Variants in PKIA observed in about 807,000 individuals in gnomAD.
PKIA encodes cAMP-dependent protein kinase inhibitor alpha.
Under a neutral mutation model 7.6 loss-of-function variants are expected in PKIA, and 4 were observed. That is an observed-to-expected ratio of 0.52 (90% CI 0.26 to 1.20). The LOEUF is 1.20. Ranked by LOEUF, PKIA falls within the 50% of genes most tolerant of loss-of-function variation. The pLI, the probability that PKIA is intolerant of heterozygous loss-of-function variation, is 0.13. For synonymous variants in PKIA, 21 were observed against 30.7 expected (o/e 0.68, Z 1.04); for missense variants, 73 against 86.2 (o/e 0.85, Z 0.61).
At chr8:78,570,676 C>T (rs537578291) in intron 1 of PKIA, among the ~76,000 whole-genome samples, 18 of 152,250 alleles carry the variant, frequency 1.2e-4, no homozygotes, top group African/African-American at 3.8e-4. Context: ...CACACTCTTT[C>T]ATACATACAC....
At chr8:78,580,205 G>T (rs1807772889) in intron 2 of PKIA, among the ~76,000 whole-genome samples, 1 of 151,964 alleles carries the variant, frequency 6.6e-6, no homozygotes, top group Non-Finnish European at 1.5e-5. Flanking sequence ...ATAAAATGAT[G>T]CATACATATG....
chr8:78,554,422 T>C (rs1348898648), intron 1 of PKIA, among the ~76,000 whole-genome samples: 1 of 151,890 alleles, frequency 6.6e-6, no homozygotes, highest in Non-Finnish European at 1.5e-5. Flanking sequence ...AATATTTAAA[T>C]CCAGGAACTT....
In PKIA at chr8:78,603,210, A is replaced by G. The variant is rs1808394712; in HGVS notation, c.*1389A>G. The G allele has an allele frequency of 6.6e-6, 1 of 152,422 alleles. No individual in the cohort carries two copies. The highest frequency in any genetic ancestry group is 1.5e-5 in the Non-Finnish European group (1 of 67,942). The allele number at this position is 152,422 out of a possible 1,614,324, so 9.4% of individuals were successfully genotyped here. A position where few individuals can be genotyped will look rare whatever the true frequency, so the allele number is the denominator to read the frequency against. ...TGTCAGTGGTAATAAATAAGGAACC[A>G]GTAATATGCCAATGGTTCATGAATT... is the stretch of plus-strand genomic sequence containing the variant. On this transcript the variant is annotated 3_prime_UTR_variant, in exon 4 of 4. Coordinates refer to ENST00000396418, the MANE Select transcript of PKIA (RefSeq NM_006823.4).
chr8:78,523,573 A>T (rs1809457390), intron 1 of PKIA, among the ~76,000 whole-genome samples: 1 of 151,912 alleles, frequency 6.6e-6, no homozygotes, highest in South Asian at 2.1e-4. Context: ...AAAAGTCAGT[A>T]ATACCTTTAA....
chr8:78,582,981 T>C (rs891698288), intron 2 of PKIA, among the ~76,000 whole-genome samples: 18 of 152,234 alleles, frequency 1.2e-4, no homozygotes, highest in Admixed American at 1.1e-3. Context: ...CTTAGAAAAA[T>C]GAAAAACTTC....
intron 1 of PKIA, among the ~76,000 whole-genome samples, chr8:78,544,762 A>G (rs996264405): frequency 1.3e-5 from 2 of 152,202 alleles, no homozygotes; most frequent in Non-Finnish European, 2.9e-5. Context: ...TACGTACCTT[A>G]TCTAAACACA....
At chr8:78,562,025 TCTCC>T (rs1807297701) in intron 1 of PKIA, among the ~76,000 whole-genome samples, 1 of 152,040 alleles carries the variant, frequency 6.6e-6, no homozygotes, top group African/African-American at 2.4e-5. Flanking sequence ...AACCATCACT[TCTCC>T]CACTGAAAGG....
At chr8:78,530,934 A>G (rs1307056658) in intron 1 of PKIA, among the ~76,000 whole-genome samples, 1 of 152,116 alleles carries the variant, frequency 6.6e-6, no homozygotes, top group Non-Finnish European at 1.5e-5. Flanking sequence ...GTCACTTGTA[A>G]GATCTGCCTT....
At chr8:78,592,976 C>T (rs114938768) in intron 2 of PKIA, among the ~76,000 whole-genome samples, 3,517 of 152,196 alleles carry the variant, frequency 0.023, 130 homozygotes, top group African/African-American at 0.079. Context: ...AGACATATAC[C>T]CATAGTTTAA....
In PKIA at chr8:78,567,983, C is replaced by G. The variant is rs1031728938; in HGVS notation, c.-156-4828C>G. Reference sequence around the variant, plus strand: ...ACTTCCATCTTTTATATTTCTTGCCCTGGTTCTAGAATTGGTCCTTTCTCC... The same window carrying G: ...ACTTCCATCTTTTATATTTCTTGCCGTGGTTCTAGAATTGGTCCTTTCTCC... On this transcript the variant is annotated intron_variant, in intron 1 of 3. Coordinates refer to ENST00000396418, the MANE Select transcript of PKIA (RefSeq NM_006823.4). Among the ~76,000 whole-genome samples, 7 of 152,150 alleles carry G rather than the reference C, an allele frequency of 4.6e-5. No individual in the cohort carries two copies. The East Asian group carries it at 1.2e-3, about 25-fold the overall frequency.
chr8:78,584,813 G>A (rs774494647), intron 2 of PKIA, among the ~76,000 whole-genome samples: 1 of 152,064 alleles, frequency 6.6e-6, no homozygotes, highest in Non-Finnish European at 1.5e-5. Flanking sequence ...TAATATTGTA[G>A]TCAAAGGAAA....
chr8:78,593,374 G>T (rs1360431488), intron 2 of PKIA, among the ~76,000 whole-genome samples: 1 of 152,092 alleles, frequency 6.6e-6, no homozygotes, highest in African/African-American at 2.4e-5. Context: ...GCCTGCCTCG[G>T]CCTCCCAAAG....
At chr8:78,579,283 C>T (rs1043716115) in intron 2 of PKIA, among the ~76,000 whole-genome samples, 4 of 152,002 alleles carry the variant, frequency 2.6e-5, no homozygotes, top group African/African-American at 7.2e-5. Flanking sequence ...CCAGAATAAT[C>T]TTCCAAAGAA....
intron 2 of PKIA, among the ~76,000 whole-genome samples, chr8:78,577,583 A>G (rs1218771683): frequency 1.3e-5 from 2 of 151,938 alleles, no homozygotes; most frequent in Non-Finnish European, 2.9e-5. Context: ...TGACATACCT[A>G]AATTTACTAA....
chr8:78,563,224 C>A (rs1366884076), intron 1 of PKIA, among the ~76,000 whole-genome samples: 1 of 152,096 alleles, frequency 6.6e-6, no homozygotes, highest in African/African-American at 2.4e-5. Flanking sequence ...TTATAATTAA[C>A]CTTTCAATGC....
chr8:78,554,909 T>C (rs1329623552), intron 1 of PKIA, among the ~76,000 whole-genome samples: 1 of 152,092 alleles, frequency 6.6e-6, no homozygotes, highest in African/African-American at 2.4e-5. Flanking sequence ...AAGATTGTTT[T>C]AAATTTGAGA....
intron 1 of PKIA, among the ~76,000 whole-genome samples, chr8:78,567,835 CT>C (rs1807455015): frequency 6.6e-6 from 1 of 152,184 alleles, no homozygotes; most frequent in Admixed American, 6.6e-5. Flanking sequence ...TTATATACCA[CT>C]TTATTTTGTT....
At chr8:78,535,389 G>A (rs1449903026) in intron 1 of PKIA, 1 of 152,090 alleles carries the variant, frequency 6.6e-6, no homozygotes, top group African/African-American at 2.4e-5. Flanking sequence ...CAGATCAAAA[G>A]AGGAGCAGTG....
At chr8:78,572,434 T>G (rs1807571221) in intron 1 of PKIA, among the ~76,000 whole-genome samples, 1 of 151,358 alleles carries the variant, frequency 6.6e-6, no homozygotes. Flanking sequence ...AGAACCAAAG[T>G]GAATATTAAA....
Sources: allele counts gnomAD v4.1 joint callset (sites outside exome capture counted in the v4.1 genomes callset), GRCh38; gene constraint gnomAD v4.1.1; transcripts MANE v1.5; gene names NCBI Gene and HGNC (gene_info 2026-07-23, HGNC 2026-07-21).